Variants in HSPA5 observed in about 807,000 individuals in gnomAD.
HSPA5 encodes heat shock protein family A (Hsp70) member 5.
A neutral mutation model predicts 49.5 loss-of-function variants in HSPA5; 16 were observed. The observed-to-expected ratio is 0.32, with a 90% CI of 0.22 to 0.49. The LOEUF (loss-of-function observed/expected upper bound fraction) is 0.49, where lower values mean the gene tolerates loss of function less well. HSPA5 is among the 20% of genes least tolerant of loss of function. The probability of loss-of-function intolerance (pLI) is 0.99; values close to 1 mark genes in which losing one functional copy is unlikely to be tolerated. For synonymous variants in HSPA5, 271 were observed against 307.2 expected (o/e 0.88, Z 1.23); for missense variants, 376 against 819.0 (o/e 0.46, Z 6.60).
At position 125,240,841 on chromosome 9, in the gene HSPA5, C is replaced by T; in HGVS notation, c.189G>A (p.Pro63=). The change falls in exon 2 of 8, where the codon CCG becomes CCA. Residue 63 remains proline (P), a synonymous_variant. Coordinates refer to ENST00000324460, the MANE Select transcript of HSPA5 (RefSeq NM_005347.5). The surrounding 1 kb of genome is among the most constrained non-coding windows in gnomAD (Gnocchi z 4.4). ...IANDQGNRIT[P]SYVAFTPEGE... Reference sequence around the variant, plus strand: ...CTTCAGGAGTGAAGGCGACATAGGACGGCGTGATGCGGTTGCCCTGATCGT... The same window carrying T: ...CTTCAGGAGTGAAGGCGACATAGGATGGCGTGATGCGGTTGCCCTGATCGT... The T allele has an allele frequency of 6.2e-7, 1 of 1,614,246 alleles. No individual in the cohort carries two copies. Among genetic ancestry groups the T allele is most frequent in the Non-Finnish European group, 8.5e-7 (1 of 1,180,034 alleles).
intron 7 of HSPA5, among the ~76,000 whole-genome samples, chr9:125,237,773 A>G (rs1432849178): frequency 6.6e-6 from 1 of 152,170 alleles, no homozygotes; most frequent in Non-Finnish European, 1.5e-5. Context: ...AGCCATTTCA[A>G]TAGGACATAT....
rs2131454578 is a variant in HSPA5, at chr9:125,239,870, A to G, written c.492+302T>C. 6.6e-6 allele frequency among the ~76,000 whole-genome samples: 1 copy of G among 152,252 alleles called. No homozygotes were observed. The highest frequency in any genetic ancestry group is 1.5e-5 in the Non-Finnish European group (1 of 68,012). ...GCCACTGCAGTCCAGCCTGGGCAAC[A>G]GAGCAAGACTCCATCTCAAAAAAAA... On this transcript the variant is annotated intron_variant, in intron 3 of 7. Coordinates refer to ENST00000324460, the MANE Select transcript of HSPA5 (RefSeq NM_005347.5). The surrounding 1 kb of genome is among the most constrained non-coding windows in gnomAD (Gnocchi z 5.5).
Position 125,237,181 on chromosome 9 carries a change from T to G in HSPA5, c.1403-27A>C, listed in dbSNP as rs759634374. The stretch of plus-strand genomic sequence containing the variant: ...TAGAAGTTACATACAGAAAAACTTG[T>G]TAGTTGTTACTGACAAGCATTAGCA... On this transcript the variant is annotated intron_variant, in intron 7 of 7. Coordinates refer to ENST00000324460, the MANE Select transcript of HSPA5 (RefSeq NM_005347.5). The G allele has an allele frequency of 1.2e-5, 18 of 1,533,320 alleles. No homozygotes were observed. The South Asian group carries it at 2.1e-4, about 18-fold the overall frequency. 95.0% of individuals were successfully genotyped at this position (1,533,320 alleles called of 1,614,324 possible). A position where few individuals can be genotyped will look rare whatever the true frequency, so the allele number is the denominator to read the frequency against.
Position 125,236,906 on chromosome 9 carries a change from C to A in HSPA5, c.1651G>T (p.Glu551Ter), listed in dbSNP as rs750297913. ...ATGCGCTCCTTGAGCTTTTTGTCTT[C>A]CTCAGCAAACTTCTCAGCATCATTA... Reference protein sequence around the residue: ...MVNDAEKFAEEDKKLKERIDT... With the variant: ...MVNDAEKFAE The change falls in exon 8 of 8, where the codon GAA (glutamate) becomes TAA (stop). Residue 551 changes from glutamate (E) to a stop codon, truncating the protein, a stop_gained. Transcript: ENST00000324460. LOFTEE classifies it high-confidence loss of function. The A allele has an allele frequency of 1.2e-6, 2 of 1,613,994 alleles. No individual in the cohort carries two copies. The highest frequency in any genetic ancestry group is 1.7e-6 in the Non-Finnish European group (2 of 1,179,880).
In HSPA5 at chr9:125,236,453, C is replaced by T; in HGVS notation, c.*139G>A. ...CTGCTAATGAAAAGCAGTAAACAGC[C>T]GCTTAGGCTATAGCAGTTTCAACTC... is the stretch of plus-strand genomic sequence containing the variant. On this transcript the variant is annotated 3_prime_UTR_variant, in exon 8 of 8. Coordinates refer to ENST00000324460, the MANE Select transcript of HSPA5 (RefSeq NM_005347.5). The T allele has an allele frequency of 1.2e-5, 7 of 585,170 alleles. No individual in the cohort carries two copies. The highest frequency in any genetic ancestry group is 2.0e-5 in the Non-Finnish European group (7 of 342,100). 36.2% of individuals were successfully genotyped at this position (585,170 alleles called of 1,614,324 possible).
chr9:125,237,840 G>A (rs911264750), intron 7 of HSPA5, among the ~76,000 whole-genome samples: 7 of 151,944 alleles, frequency 4.6e-5, no homozygotes, highest in Non-Finnish European at 1.0e-4. Context: ...GGTGGCTCAC[G>A]CCTATAATCC....
chr9:125,238,832 A>G lies in HSPA5; in HGVS notation c.997-5T>C. ...CATAGTAGACCGGAACAGATCCTAG[A>G]AAAAAGACATGGTTACTGTGATGTC... On this transcript the variant is annotated splice_region_variant and splice_polypyrimidine_tract_variant and intron_variant, in intron 5 of 7. Coordinates refer to ENST00000324460, the MANE Select transcript of HSPA5 (RefSeq NM_005347.5). 1 of 1,613,252 alleles carries G rather than the reference A, an allele frequency of 6.2e-7. No individual in the cohort carries two copies. Among genetic ancestry groups the G allele is most frequent in the Non-Finnish European group, 8.5e-7 (1 of 1,179,378 alleles).
At chr9:125,238,868 GTATC>G (rs1363067673) in intron 5 of HSPA5, 41 bp from the exon 6 acceptor site, 1 of 1,606,404 alleles carries the variant, frequency 6.2e-7, no homozygotes, top group Non-Finnish European at 8.5e-7. Context: ...TGTTATCTAA[GTATC>G]TAGATGCAAT....
chr9:125,238,353 G>A, intron 6 of HSPA5, 45 bp from the exon 7 acceptor site: 1 of 1,532,310 alleles, frequency 6.5e-7, no homozygotes, highest in African/African-American at 1.4e-5. Flanking sequence ...TTCTCCCTAT[G>A]AGCTATGTAA....
intron 6 of HSPA5, 105 bp from the exon 7 acceptor site, chr9:125,238,413 G>T: frequency 9.1e-7 from 1 of 1,098,612 alleles, no homozygotes; most frequent in Non-Finnish European, 1.3e-6. Context: ...CATTTTAAAG[G>T]CAGTGAATTA....
Position 125,240,429 on chromosome 9 carries a change from A to C in HSPA5, c.355-120T>G. ...TCCCTTGGGGCTGCAAATTGACTAG[A>C]AATACTTCAGGGAGTATAGGTGTCT... On this transcript the variant is annotated intron_variant, in intron 2 of 7. Transcript: ENST00000324460. The surrounding 1 kb of genome is among the most constrained non-coding windows in gnomAD (Gnocchi z 4.4). The C allele has an allele frequency of 8.0e-6, 7 of 875,376 alleles. No homozygotes were observed. The highest frequency in any genetic ancestry group is 8.8e-6 in the Non-Finnish European group (5 of 565,764). The allele number at this position is 875,376 out of a possible 1,614,324, so 54.2% of individuals were successfully genotyped here. A position where few individuals can be genotyped will look rare whatever the true frequency, so the allele number is the denominator to read the frequency against.
Position 125,240,645 on chromosome 9 carries a change from C to T in HSPA5, c.354+31G>A. On this transcript the variant is annotated intron_variant, in intron 2 of 7. Coordinates refer to ENST00000324460, the MANE Select transcript of HSPA5 (RefSeq NM_005347.5). This position sits in a 1 kb window ranked among gnomAD's most constrained non-coding sequence, Gnocchi z 4.4. ...TAAATACTCCCACCACCCACCCGTT[C>T]TCTAACTGGATGAGAAAAACCCGGT... 1 of 1,578,438 alleles carries T rather than the reference C, an allele frequency of 6.3e-7. No homozygotes were observed. The highest frequency in any genetic ancestry group is 8.7e-7 in the Non-Finnish European group (1 of 1,148,690).
At position 125,236,614 on chromosome 9, in the gene HSPA5, G is replaced by A; in HGVS notation, c.1943C>T (p.Thr648Ile). 2 of 1,605,622 alleles carry A rather than the reference G, an allele frequency of 1.2e-6. No homozygotes were observed. Among genetic ancestry groups the A allele is most frequent in the Non-Finnish European group, 1.7e-6 (2 of 1,176,916 alleles). Residue 648 changes from threonine (T) to isoleucine (I), a missense_variant, in exon 8 of 8, where the codon ACA becomes ATA. This residue lies in a region of HSPA5 where 72 missense variants were observed against 87.8 expected (regional missense o/e 0.82). Transcript: ENST00000324460. ...AGPPPTGEED[T>I]AEKDEL ...TGTCTACAACTCATCTTTTTCTGCT[G>A]TATCCTCTTCACCAGTTGGGGGAGG...
At chr9:125,238,524 C>A in intron 6 of HSPA5, 66 bp downstream of exon 6, 1 of 1,324,408 alleles carries the variant, frequency 7.6e-7, no homozygotes, top group Non-Finnish European at 1.1e-6. Flanking sequence ...TTTTCTAAAG[C>A]AATAGCTAAT....
chr9:125,238,656 G>C lies in HSPA5; in HGVS notation c.1168C>G (p.Pro390Ala). Residue 390 changes from proline (P) to alanine (A), a missense_variant, in exon 6 of 8, where the codon CCA becomes GCA. Transcript: ENST00000324460. ...NGKEPSRGIN[P>A]DEAVAYGAAV... ...GCACCATACGCTACAGCTTCATCTG[G>C]GTTTATGCCACGGGATGGTTCCTTG... 6.2e-7 allele frequency: 1 copy of C among 1,614,160 alleles called. No homozygotes were observed. Among genetic ancestry groups the C allele is most frequent in the Non-Finnish European group, 8.5e-7 (1 of 1,180,036 alleles).
rs879103793 is a variant in HSPA5 at position 125,236,319 on chromosome 9, G to C, written c.*273C>G. The C allele has an allele frequency of 5.3e-6, 2 of 378,742 alleles. No individual in the cohort carries two copies. The highest frequency in any genetic ancestry group is 1.5e-4 in the South Asian group (2 of 13,294). 23.5% of individuals were successfully genotyped at this position (378,742 alleles called of 1,614,324 possible). A position where few individuals can be genotyped will look rare whatever the true frequency, so the allele number is the denominator to read the frequency against. On this transcript the variant is annotated 3_prime_UTR_variant, in exon 8 of 8. Transcript: ENST00000324460. ...TACACCAGATGCACATGACCCAGTT[G>C]TTAAATAGAACATTTTGAAGGTGAA...
At chr9:125,237,922 T>C (rs1832518150) in intron 7 of HSPA5, among the ~76,000 whole-genome samples, 1 of 151,938 alleles carries the variant, frequency 6.6e-6, no homozygotes, top group South Asian at 2.1e-4. Flanking sequence ...GGAAACATGG[T>C]GAAACCCCAT....
Position 125,241,196 on chromosome 9 carries a change from C to G in HSPA5, c.-70G>C, listed in dbSNP as rs1353135259. Reference sequence around the variant, plus strand: ...GTAGCACAGGAGCACAGCGCAATTTCCGACTTGCAGGCGGCAGGGGCCCGG... The same window carrying G: ...GTAGCACAGGAGCACAGCGCAATTTGCGACTTGCAGGCGGCAGGGGCCCGG... On this transcript the variant is annotated 5_prime_UTR_variant, in exon 1 of 8. Coordinates refer to ENST00000324460, the MANE Select transcript of HSPA5 (RefSeq NM_005347.5). The G allele has an allele frequency of 2.0e-6, 3 of 1,537,594 alleles. No homozygotes were observed. The highest frequency in any genetic ancestry group is 2.6e-6 in the Non-Finnish European group (3 of 1,144,484).
rs1832496447 is a variant in HSPA5, at chr9:125,236,431, C to T, written c.*161G>A. 1 of 535,916 alleles carries T rather than the reference C, an allele frequency of 1.9e-6. No individual in the cohort carries two copies. The highest frequency in any genetic ancestry group is 3.2e-6 in the Non-Finnish European group (1 of 308,502). 33.2% of individuals were successfully genotyped at this position (535,916 alleles called of 1,614,324 possible). A position where few individuals can be genotyped will look rare whatever the true frequency, so the allele number is the denominator to read the frequency against. ...CCACCCAAAGACATGTGAGCAACTGCTAATGAAAAGCAGTAAACAGCCGCT... is the reference window on the plus strand; with the variant it reads ...CCACCCAAAGACATGTGAGCAACTGTTAATGAAAAGCAGTAAACAGCCGCT... On this transcript the variant is annotated 3_prime_UTR_variant, in exon 8 of 8. Coordinates refer to ENST00000324460, the MANE Select transcript of HSPA5 (RefSeq NM_005347.5).
Sources: allele counts gnomAD v4.1 joint callset (sites outside exome capture counted in the v4.1 genomes callset), GRCh38; gene constraint gnomAD v4.1.1; regional missense constraint gnomAD v4.1.1; non-coding constraint Gnocchi (gnomAD v3.1); transcripts MANE v1.5; gene names NCBI Gene and HGNC (gene_info 2026-07-23, HGNC 2026-07-21).